CENPP: variants seen among roughly 807,000 people sequenced by gnomAD.
CENPP encodes centromere protein P.
A neutral mutation model predicts 35.6 loss-of-function variants in CENPP; 24 were observed. The observed-to-expected ratio is 0.67, with a 90% confidence interval of 0.49 to 0.95. The LOEUF is 0.95. Ranked by LOEUF, CENPP falls within the 40% of genes least tolerant of loss-of-function variation. The pLI is 0.00. For missense variants in CENPP, 332 were observed against 345.3 expected, an observed-to-expected ratio of 0.96 and a Z score of 0.31; for synonymous variants, 120 against 125.5, an observed-to-expected ratio of 0.96 and a Z score of 0.29.
rs1851479638 is a variant in CENPP at position 92,617,526 on chromosome 9, T to C, written c.*4377T>C. 1 of 152,606 alleles carries C rather than the reference T, an allele frequency of 6.6e-6. No homozygotes were observed. Among genetic ancestry groups the C allele is most frequent in the Admixed American group, 6.5e-5 (1 of 15,296 alleles). The allele number at this position is 152,606 out of a possible 1,614,324, so 9.5% of individuals were successfully genotyped here. The stretch of plus-strand genomic sequence containing the variant: ...CCCTCAGTACCCCGGAGGCCAAGAC[T>C]GGGCAAGAGGCCCCAGGGACACACC... On this transcript the variant is annotated 3_prime_UTR_variant, in exon 8 of 8. Coordinates refer to ENST00000375587, the MANE Select transcript of CENPP (RefSeq NM_001012267.3).
At position 92,619,084 on chromosome 9, in the gene CENPP, A is replaced by G. The variant is rs535839057; in HGVS notation, c.*5935A>G. 1.4e-3 allele frequency: 311 copies of G among 224,866 alleles called. 4 individuals carry two copies. Among genetic ancestry groups the G allele is most frequent in the Non-Finnish European group, 2.0e-4 (22 of 111,994 alleles). 13.9% of individuals were successfully genotyped at this position (224,866 alleles called of 1,614,324 possible). On this transcript the variant is annotated 3_prime_UTR_variant, in exon 8 of 8. Transcript: ENST00000375587. ...CAGGCTTTCAAATGACTGTGGTGGT[A>G]AAAAGGCAGGTGCGCCATGCTGCCA...
intron 5 of CENPP, among the ~76,000 whole-genome samples, chr9:92,585,551 C>G (rs1275714486): frequency 2.0e-5 from 3 of 152,154 alleles, no homozygotes; most frequent in Admixed American, 6.5e-5. Flanking sequence ...GGTTGTATGG[C>G]AAGCTTATGT....
Position 92,606,917 on chromosome 9 carries a change from T to C in CENPP, c.565-4397T>C, listed in dbSNP as rs187025182. ...GGCAGAGGCTACAGTGAGCCAAGATTGCACCACTGCACTCCAGCCTGGGCG... is the reference window on the plus strand; with the variant it reads ...GGCAGAGGCTACAGTGAGCCAAGATCGCACCACTGCACTCCAGCCTGGGCG... On this transcript the variant is annotated intron_variant, in intron 5 of 7. Coordinates refer to ENST00000375587, the MANE Select transcript of CENPP (RefSeq NM_001012267.3). 6.8e-3 allele frequency among the ~76,000 whole-genome samples: 1,038 copies of C among 152,170 alleles called. 12 individuals are homozygous for C. Among genetic ancestry groups the C allele is most frequent in the African/African-American group, 0.024 (995 of 41,516 alleles).
intron 5 of CENPP, among the ~76,000 whole-genome samples, chr9:92,518,109 C>T (rs1229562007): frequency 6.6e-6 from 1 of 152,170 alleles, no homozygotes; most frequent in Admixed American, 6.5e-5. Flanking sequence ...CTCATGGTAA[C>T]TTGGGGCTGA....
chr9:92,478,452 T>TTTTG (rs895964807), intron 5 of CENPP, among the ~76,000 whole-genome samples: 5 of 152,150 alleles, frequency 3.3e-5, no homozygotes, highest in African/African-American at 9.7e-5. Context: ...TTTTGGGGTT[T>TTTTG]TTTGTTTGTT....
chr9:92,612,668 C>A, intron 7 of CENPP, 54 bp downstream of exon 7: 2 of 1,309,156 alleles, frequency 1.5e-6, no homozygotes, highest in Non-Finnish European at 2.2e-6. Flanking sequence ...CCCAGCAAAG[C>A]CGCCTGCCTG....
chr9:92,462,893 G>A (rs562481872), intron 5 of CENPP, among the ~76,000 whole-genome samples: 6 of 152,278 alleles, frequency 3.9e-5, no homozygotes, highest in South Asian at 2.1e-4. Flanking sequence ...CTGGTGCAAC[G>A]TGCCAGCGAA....
At chr9:92,562,221 T>TG (rs796398031) in intron 5 of CENPP, among the ~76,000 whole-genome samples, 7 of 150,740 alleles carry the variant, frequency 4.6e-5, no homozygotes, top group African/African-American at 1.7e-4. Flanking sequence ...TTTTTTTTTT[T>TG]GAGATGGAGT....
chr9:92,545,638 G>A (rs1021110808), intron 5 of CENPP, among the ~76,000 whole-genome samples: 2 of 152,226 alleles, frequency 1.3e-5, no homozygotes, highest in African/African-American at 4.8e-5. Flanking sequence ...GCGGGCACAG[G>A]GCGCGGGACT....
Position 92,619,270 on chromosome 9 carries a change from T to G in CENPP, c.*6121T>G. The G allele has an allele frequency of 1.8e-6, 1 of 543,260 alleles. No homozygotes were observed. Among genetic ancestry groups the G allele is most frequent in the Admixed American group, 3.0e-5 (1 of 33,018 alleles). 33.7% of individuals were successfully genotyped at this position (543,260 alleles called of 1,614,324 possible). A position where few individuals can be genotyped will look rare whatever the true frequency, so the allele number is the denominator to read the frequency against. On this transcript the variant is annotated 3_prime_UTR_variant, in exon 8 of 8. Coordinates refer to ENST00000375587, the MANE Select transcript of CENPP (RefSeq NM_001012267.3). Reference sequence around the variant, plus strand: ...ACTTTCAATGTACTAACAATCCTTTTAAGTTATTCTCCATAAATCTGTCTT... The same window carrying G: ...ACTTTCAATGTACTAACAATCCTTTGAAGTTATTCTCCATAAATCTGTCTT...
At chr9:92,477,053 A>G (rs1245150389) in intron 5 of CENPP, among the ~76,000 whole-genome samples, 1 of 152,196 alleles carries the variant, frequency 6.6e-6, no homozygotes, top group Non-Finnish European at 1.5e-5. Context: ...TTTGTGTAGT[A>G]CTGGGTGAGA....
At chr9:92,363,389 T>C (rs1841812016) in intron 4 of CENPP, among the ~76,000 whole-genome samples, 1 of 152,228 alleles carries the variant, frequency 6.6e-6, no homozygotes, top group South Asian at 2.1e-4. Flanking sequence ...TGTATTTTAC[T>C]GTACCTTTCC....
intron 5 of CENPP, chr9:92,511,903 A>C (rs1180221745): frequency 2.7e-6 from 2 of 734,382 alleles, no homozygotes; most frequent in Non-Finnish European, 4.4e-6. Context: ...TCTTAGAAGA[A>C]GACTACCAAT....
chr9:92,381,643 G>C (rs747455664), intron 5 of CENPP, among the ~76,000 whole-genome samples: 5 of 152,070 alleles, frequency 3.3e-5, no homozygotes, highest in African/African-American at 1.2e-4. Flanking sequence ...ATGGTCACTG[G>C]TTGTTTTTAC....
chr9:92,325,884 C>A, upstream of CENPP: 1 of 789,404 alleles, frequency 1.3e-6, no homozygotes, highest in Non-Finnish European at 2.0e-6. Flanking sequence ...CTCCCCTCCG[C>A]GTGAGCTCTG....
intron 5 of CENPP, among the ~76,000 whole-genome samples, chr9:92,577,224 C>T (rs1033781775): frequency 7.9e-5 from 12 of 152,082 alleles, no homozygotes; most frequent in South Asian, 2.1e-4. Context: ...TCAAGAAACA[C>T]GCACAGGGGC....
At chr9:92,403,876 A>T in intron 5 of CENPP, 2 of 197,306 alleles carry the variant, frequency 1.0e-5, no homozygotes, top group Non-Finnish European at 1.8e-5. Flanking sequence ...ATTGGTATGA[A>T]CAGAAACAAG....
chr9:92,513,623 A>G (rs1847499102), intron 5 of CENPP, among the ~76,000 whole-genome samples: 1 of 152,234 alleles, frequency 6.6e-6, no homozygotes, highest in South Asian at 2.1e-4. Context: ...GGAATGAACT[A>G]CTGATACACA....
At chr9:92,474,134 T>C (rs1845624350) in intron 5 of CENPP, among the ~76,000 whole-genome samples, 1 of 152,244 alleles carries the variant, frequency 6.6e-6, no homozygotes, top group Non-Finnish European at 1.5e-5. Flanking sequence ...AAAGACTTTA[T>C]CCACTTTTTT....
Sources: allele counts gnomAD v4.1 joint callset (sites outside exome capture counted in the v4.1 genomes callset), GRCh38; gene constraint gnomAD v4.1.1; transcripts MANE v1.5; gene names NCBI Gene and HGNC (gene_info 2026-07-23, HGNC 2026-07-21).